Variants in LGI1 observed in about 807,000 individuals in gnomAD.
LGI1 encodes leucine-rich glioma-inactivated protein 1.
LGI1 carries 11 observed loss-of-function variants against 57.7 expected under a neutral mutation model. The ratio of observed to expected loss-of-function variants is 0.19; its 90% CI spans 0.12 to 0.32. The LOEUF is 0.32. Among genes scored for constraint, LGI1 ranks in the 10% least tolerant of loss-of-function variants. The probability of loss-of-function intolerance (pLI) is 1.00; values close to 1 mark genes in which losing one functional copy is unlikely to be tolerated. For missense variants in LGI1, 422 were observed against 661.9 expected (o/e 0.64, Z 3.98); for synonymous variants, 222 against 241.9 (o/e 0.92, Z 0.76).
chr10:93,761,701 GAGA>G (rs2059625521), intron 2 of LGI1, among the ~76,000 whole-genome samples: 2 of 152,268 alleles, frequency 1.3e-5, no homozygotes, highest in East Asian at 3.9e-4. Flanking sequence ...CCGTAGAGAA[GAGA>G]GAGAAAGAAT....
In LGI1 at chr10:93,797,831, A is replaced by T. The variant is rs532319038; in HGVS notation, c.*28A>T. Reference sequence around the variant, plus strand: ...CACCAAATTCTGTGGCTGCCATCAGAAATTTTCTACAGTACATGACCCGGA... The same window carrying T: ...CACCAAATTCTGTGGCTGCCATCAGTAATTTTCTACAGTACATGACCCGGA... On this transcript the variant is annotated 3_prime_UTR_variant, in exon 8 of 8. Transcript: ENST00000371418. This position sits in a 1 kb window ranked among gnomAD's most constrained non-coding sequence, Gnocchi z 6.5. 6.6e-7 allele frequency: 1 copy of T among 1,510,530 alleles called. No homozygotes were observed. Among genetic ancestry groups the T allele is most frequent in the East Asian group, 2.3e-5 (1 of 44,438 alleles). The allele number at this position is 1,510,530 out of a possible 1,614,324, so 93.6% of individuals were successfully genotyped here.
chr10:93,760,298 A>C (rs1229924791), intron 2 of LGI1, among the ~76,000 whole-genome samples: 1 of 152,230 alleles, frequency 6.6e-6, no homozygotes, highest in Non-Finnish European at 1.5e-5. Flanking sequence ...ACATCAAACA[A>C]ATCCAAAAAA....
intron 2 of LGI1, among the ~76,000 whole-genome samples, chr10:93,766,483 T>C (rs56327057): frequency 6.5e-4 from 98 of 151,154 alleles, no homozygotes; most frequent in African/African-American, 2.3e-3. Flanking sequence ...TATTTTTGTA[T>C]TGCTTGGTGC....
At chr10:93,792,944 AATTAAAATAAGGGCTACCT>A in intron 6 of LGI1, 32 bp downstream of exon 6, 1 of 1,603,842 alleles carries the variant, frequency 6.2e-7, no homozygotes, top group Non-Finnish European at 8.5e-7. Flanking sequence ...CACCTCAAAA[AATTAAAATAAGGGCTACCT>A]TTTTTTTTCA....
At chr10:93,764,676 A>G (rs754750295) in intron 2 of LGI1, 5 of 151,902 alleles carry the variant, frequency 3.3e-5, no homozygotes, top group African/African-American at 7.3e-5. Flanking sequence ...CTTGATATCT[A>G]TATCTACAAA....
chr10:93,795,385 C>G (rs997044297), intron 7 of LGI1, among the ~76,000 whole-genome samples: 1 of 152,154 alleles, frequency 6.6e-6, no homozygotes, highest in Non-Finnish European at 1.5e-5. Context: ...GGTGCCTTCT[C>G]TGTGTCCTAA....
chr10:93,775,776 T>C (rs977552683), intron 2 of LGI1, among the ~76,000 whole-genome samples: 1 of 152,246 alleles, frequency 6.6e-6, no homozygotes, highest in African/African-American at 2.4e-5. Context: ...CTATTTCTTC[T>C]GGCAACTTGG....
chr10:93,760,533 A>C (rs2059611525), intron 2 of LGI1, among the ~76,000 whole-genome samples: 1 of 152,234 alleles, frequency 6.6e-6, no homozygotes, highest in African/African-American at 2.4e-5. Flanking sequence ...TTAAAATTCC[A>C]GGAGTAGTGT....
chr10:93,796,930 A>T, intron 7 of LGI1, 38 bp from the exon 8 acceptor site: 2 of 1,504,026 alleles, frequency 1.3e-6, no homozygotes, highest in Non-Finnish European at 9.2e-7. Context: ...CCAAAAGAGG[A>T]TGGCCACACA....
Position 93,758,234 on chromosome 10 carries a change from G to A in LGI1, c.90G>A (p.Leu30=). Residue 30 remains leucine, a synonymous_variant, in exon 1 of 8, where the codon TTG becomes TTA. Coordinates refer to ENST00000371418, the MANE Select transcript of LGI1 (RefSeq NM_005097.4). This position sits in a 1 kb window ranked among gnomAD's most constrained non-coding sequence, Gnocchi z 4.7. ...AYFLCLLSAL[L]LTEGKKPAKP... is the part of the protein sequence containing the mutation. ...TCCTATGTCTCTTATCTGCGCTTTT[G>A]CTGACTGAGGGGAAGAAACCAGCGA... 6.2e-7 allele frequency: 1 copy of A among 1,614,136 alleles called. No homozygotes were observed. The highest frequency in any genetic ancestry group is 1.6e-4 in the Middle Eastern group (1 of 6,062).
intron 4 of LGI1, among the ~76,000 whole-genome samples, chr10:93,783,333 G>A (rs547357246): frequency 2.7e-4 from 41 of 152,290 alleles, no homozygotes; most frequent in South Asian, 1.2e-3. Flanking sequence ...CCGAGATCGC[G>A]CCACTGCACT....
At chr10:93,788,571 A>C (rs1454864794) in intron 4 of LGI1, 1 of 152,226 alleles carries the variant, frequency 6.6e-6, no homozygotes, top group Non-Finnish European at 1.5e-5. Flanking sequence ...TCAGGATTCA[A>C]ACATAGCTCA....
intron 4 of LGI1, 82 bp downstream of exon 4, chr10:93,777,699 T>G (rs1262496418): frequency 1.9e-6 from 2 of 1,060,936 alleles, no homozygotes; most frequent in African/African-American, 3.1e-5. Flanking sequence ...GCACCTACTT[T>G]ATGAGTGTCC....
At chr10:93,764,010 A>G (rs921181638) in intron 2 of LGI1, 3 of 152,230 alleles carry the variant, frequency 2.0e-5, no homozygotes, top group African/African-American at 7.2e-5. Context: ...AGCCAAAATA[A>G]GTATTTATTT....
At chr10:93,766,510 C>CCCTTTTTTTTTTTT in intron 2 of LGI1, among the ~76,000 whole-genome samples, 1 of 17,564 alleles carries the variant, frequency 5.7e-5, no homozygotes, top group East Asian at 5.2e-3. Context: ...TTTTATAGAT[C>CCCTTTTTTTTTTTT]TCTTTTTTTT....
chr10:93,796,721 C>T (rs1041297269), intron 7 of LGI1, among the ~76,000 whole-genome samples: 30 of 152,302 alleles, frequency 2.0e-4, no homozygotes, highest in Non-Finnish European at 3.4e-4. Flanking sequence ...GTGTCCTGAA[C>T]GTCTAGCGCA....
At chr10:93,781,773 A>G (rs2059849839) in intron 4 of LGI1, among the ~76,000 whole-genome samples, 1 of 152,198 alleles carries the variant, frequency 6.6e-6, no homozygotes, top group Non-Finnish European at 1.5e-5. Context: ...AGTAATACCT[A>G]TGAGTCTTTA....
chr10:93,771,669 A>AT (rs2059742317), intron 2 of LGI1: 1 of 152,172 alleles, frequency 6.6e-6, no homozygotes, highest in Non-Finnish European at 1.5e-5. Context: ...TAAATTTATA[A>AT]TTTTTTTAAA....
At position 93,757,970 on chromosome 10, in the gene LGI1, C is replaced by T; in HGVS notation, c.-175C>T. 1 of 673,958 alleles carries T rather than the reference C, an allele frequency of 1.5e-6. No homozygotes were observed. Among genetic ancestry groups the T allele is most frequent in the Middle Eastern group, 3.4e-4 (1 of 2,922 alleles). 41.7% of individuals were successfully genotyped at this position (673,958 alleles called of 1,614,324 possible). On this transcript the variant is annotated 5_prime_UTR_variant, in exon 1 of 8. Transcript: ENST00000371418. ...CACAGGTCTCTTCCCCCGAGCAGTG[C>T]ATTGCTGGAGCGAGGAGAAGCTCAC...
Sources: allele counts gnomAD v4.1 joint callset (sites outside exome capture counted in the v4.1 genomes callset), GRCh38; gene constraint gnomAD v4.1.1; non-coding constraint Gnocchi (gnomAD v3.1); transcripts MANE v1.5; gene names NCBI Gene and HGNC (gene_info 2026-07-23, HGNC 2026-07-21).